CPNE5: variants seen among roughly 807,000 people sequenced by gnomAD.
The protein encoded by CPNE5 is copine 5.
A neutral mutation model predicts 81.1 loss-of-function variants in CPNE5; 42 were observed. That is an observed-to-expected ratio of 0.52 (90% CI 0.40 to 0.67). The LOEUF is 0.67. CPNE5 is among the 30% of genes least tolerant of loss of function. The probability of loss-of-function intolerance (pLI) is 0.00; values close to 1 mark genes in which losing one functional copy is unlikely to be tolerated. For synonymous variants in CPNE5, 313 were observed against 321.5 expected, an observed-to-expected ratio of 0.97 and a Z score of 0.28; for missense variants, 612 against 815.5, an observed-to-expected ratio of 0.75 and a Z score of 3.04.
chr6:36,762,336 G>A (rs560099467), intron 12 of CPNE5, among the ~76,000 whole-genome samples: 40 of 148,748 alleles, frequency 2.7e-4, no homozygotes, highest in Middle Eastern at 7.0e-3. Context: ...GCGCACACAC[G>A]CAAATACATG....
chr6:36,769,303 CTG>C (rs1485698501), intron 10 of CPNE5, among the ~76,000 whole-genome samples: 2 of 152,212 alleles, frequency 1.3e-5, no homozygotes, highest in African/African-American at 4.8e-5. Flanking sequence ...AGTCACACAG[CTG>C]GTCAGTGGTG....
intron 3 of CPNE5, among the ~76,000 whole-genome samples, chr6:36,809,404 C>T (rs1405019330): frequency 1.3e-5 from 2 of 151,958 alleles, no homozygotes; most frequent in East Asian, 3.9e-4. Flanking sequence ...AGTGAGATCC[C>T]ATCTCCACAA....
rs1766532690 is a variant in CPNE5 at position 36,766,009 on chromosome 6, T to C, written c.738-633A>G. 6.6e-6 allele frequency among the ~76,000 whole-genome samples: 1 copy of C among 152,210 alleles called. No individual in the cohort carries two copies. The highest frequency in any genetic ancestry group is 2.4e-5 in the African/African-American group (1 of 41,454). On this transcript the variant is annotated intron_variant, in intron 10 of 20. Transcript: ENST00000244751. The surrounding 1 kb of genome is among the most constrained non-coding windows in gnomAD (Gnocchi z 4.2). ...GCGGATGGGCTTTGAGAGCCCATTT[T>C]ATTTTTAGCCACGTTCCCATGGCAA...
intron 8 of CPNE5, among the ~76,000 whole-genome samples, chr6:36,787,436 C>T (rs1408916987): frequency 1.3e-5 from 2 of 151,948 alleles, no homozygotes; most frequent in African/African-American, 2.4e-5. Context: ...ACCAATATTC[C>T]CCAGGTAACT....
chr6:36,774,898 C>A, intron 10 of CPNE5, 63 bp downstream of exon 10: 1 of 1,280,084 alleles, frequency 7.8e-7, no homozygotes, highest in South Asian at 1.2e-5. Context: ...GGGCCACCCT[C>A]ACTTGTGCTT....
intron 8 of CPNE5, among the ~76,000 whole-genome samples, chr6:36,791,148 C>A (rs781274387): frequency 3.7e-4 from 57 of 152,250 alleles, no homozygotes; most frequent in South Asian, 4.1e-4. Context: ...TCTCTCCAAG[C>A]CCCACCACTT....
Position 36,823,130 on chromosome 6 carries a change from C to G in CPNE5, c.96-32G>C, listed in dbSNP as rs369112290. On this transcript the variant is annotated intron_variant, in intron 1 of 20. Transcript: ENST00000244751. ...GAGGGGGAGAGAGGAGGGGTTAGCA[C>G]GGCCAGCTGAGAGGAGGCGACCTCA... 3.3e-6 allele frequency: 5 copies of G among 1,522,912 alleles called. No individual in the cohort carries two copies. In the Admixed American group the frequency reaches 9.7e-5, roughly 30 times the overall value. 94.3% of individuals were successfully genotyped at this position (1,522,912 alleles called of 1,614,324 possible).
At chr6:36,783,365 C>G (rs1234450255) in intron 8 of CPNE5, among the ~76,000 whole-genome samples, 1 of 110,456 alleles carries the variant, frequency 9.1e-6, no homozygotes, top group Non-Finnish European at 1.7e-5. Context: ...TACCCCTGAA[C>G]TTGCAGTAAA....
At chr6:36,837,152 G>A (rs991887033) in intron 1 of CPNE5, among the ~76,000 whole-genome samples, 4 of 152,256 alleles carry the variant, frequency 2.6e-5, no homozygotes, top group African/African-American at 9.6e-5. Flanking sequence ...AGCACCTACT[G>A]TGTGCCAAGC....
At chr6:36,814,844 C>A (rs540670175) in intron 3 of CPNE5, among the ~76,000 whole-genome samples, 19 of 152,106 alleles carry the variant, frequency 1.2e-4, no homozygotes, top group Non-Finnish European at 2.2e-4. Flanking sequence ...TGTGAGGATT[C>A]ATTGAGTTAA....
chr6:36,817,003 G>A (rs1771602428), intron 3 of CPNE5, among the ~76,000 whole-genome samples: 1 of 152,168 alleles, frequency 6.6e-6, no homozygotes, highest in African/African-American at 2.4e-5. Context: ...TCCCCAGTAT[G>A]TTTAGATGCA....
chr6:36,822,567 G>A lies in CPNE5; in HGVS notation c.137-407C>T, dbSNP rs114748275. On this transcript the variant is annotated intron_variant, in intron 2 of 20. Coordinates refer to ENST00000244751, the MANE Select transcript of CPNE5 (RefSeq NM_020939.2). The stretch of plus-strand genomic sequence containing the variant: ...CGACAAGCAGAGGTGTGGTGGGGGA[G>A]AGCATCAGAAATCCGCATTGCTCCT... Among the ~76,000 whole-genome samples, 250 of 152,276 alleles carry A rather than the reference G, an allele frequency of 1.6e-3. 2 individuals are homozygous for A. The highest frequency in any genetic ancestry group is 5.6e-3 in the African/African-American group (231 of 41,552).
intron 10 of CPNE5, among the ~76,000 whole-genome samples, chr6:36,768,225 CTTTTTTTTTTT>C (rs10586762): frequency 3.5e-4 from 21 of 60,496 alleles, no homozygotes; most frequent in Non-Finnish European, 6.1e-4. Context: ...ATTCACAGTT[CTTTTTTTTTTT>C]TTTTTTTTTT....
chr6:36,820,578 C>T (rs1771959906), intron 3 of CPNE5, among the ~76,000 whole-genome samples: 1 of 152,062 alleles, frequency 6.6e-6, no homozygotes, highest in African/African-American at 2.4e-5. Flanking sequence ...GTTCTAGGTG[C>T]TCAGAATGTA....
rs1043954185 is a variant in CPNE5, at chr6:36,822,102, A to T, written c.183+12T>A. The T allele has an allele frequency of 2.6e-6, 4 of 1,534,716 alleles. No homozygotes were observed. The African/African-American group carries it at 5.4e-5, about 21-fold the overall frequency. ...GGCTGGTGTTTCTGGTGTGGGAAGGAGCTGCACCTACCTCCCGCCACTGCT... is the reference window on the plus strand; with the variant it reads ...GGCTGGTGTTTCTGGTGTGGGAAGGTGCTGCACCTACCTCCCGCCACTGCT... On this transcript the variant is annotated intron_variant, in intron 3 of 20. Coordinates refer to ENST00000244751, the MANE Select transcript of CPNE5 (RefSeq NM_020939.2).
At chr6:36,819,099 TG>T (rs1257232955) in intron 3 of CPNE5, among the ~76,000 whole-genome samples, 4 of 152,214 alleles carry the variant, frequency 2.6e-5, no homozygotes, top group African/African-American at 9.6e-5. Context: ...ACATTTTTTT[TG>T]TTTTTGTTTT....
chr6:36,787,948 C>T (rs1768719562), intron 8 of CPNE5, among the ~76,000 whole-genome samples: 1 of 151,992 alleles, frequency 6.6e-6, no homozygotes, highest in Admixed American at 6.6e-5. Context: ...GGGTGGCTGA[C>T]AGGTCTCTAG....
intron 13 of CPNE5, among the ~76,000 whole-genome samples, chr6:36,753,703 G>T (rs1000697007): frequency 6.6e-6 from 1 of 152,094 alleles, no homozygotes; most frequent in Non-Finnish European, 1.5e-5. Context: ...ACTACCCCAG[G>T]CCCCCTCCCC....
chr6:36,774,963 A>T lies in CPNE5; in HGVS notation c.735T>A (p.Asp245Glu). 2.5e-6 allele frequency: 4 copies of T among 1,612,512 alleles called. No individual in the cohort carries two copies. The highest frequency in any genetic ancestry group is 3.4e-6 in the Non-Finnish European group (4 of 1,178,494). ...GAAGGGACATTTTCTCATCTCACCG[A>T]TCGTAGTCGCCGTTGCAGAGGGCTC... ...PVRALCNGDY[D>E]RTIKVEVYDW... The change falls in exon 10 of 21, where the codon GAT becomes GAA. Residue 245 changes from aspartate to glutamate, a missense_variant and splice_region_variant. Coordinates refer to ENST00000244751, the MANE Select transcript of CPNE5 (RefSeq NM_020939.2).
Sources: gnomAD v4.1 joint callset for allele counts (sites outside exome capture counted in the v4.1 genomes callset) on GRCh38, gnomAD v4.1.1 for gene constraint, Gnocchi (gnomAD v3.1) non-coding constraint, MANE v1.5 for transcripts, NCBI Gene and HGNC (gene_info 2026-07-23, HGNC 2026-07-21) for gene names.